The following MYO3B variants were observed in gnomAD, a reference collection of about 807,000 sequenced individuals.
MYO3B encodes the protein myosin IIIB.
In MYO3B, 156 loss-of-function variants were observed where a neutral mutation model predicts 174.6. That is an observed-to-expected ratio of 0.89 (90% confidence interval 0.78 to 1.02). The LOEUF (loss-of-function observed/expected upper bound fraction) is 1.02. Ranked by LOEUF, MYO3B falls within the 50% of genes least tolerant of loss-of-function variation. The probability of loss-of-function intolerance (pLI) is 0.00; values close to 1 mark genes in which losing one functional copy is unlikely to be tolerated. For missense variants in MYO3B, 1,632 were observed against 1,639.4 expected (o/e 1.00, Z 0.08); for synonymous variants, 563 against 569.1 (o/e 0.99, Z 0.15).
chr2:170,543,991 A>T lies in MYO3B; in HGVS notation c.3733+3A>T. 1 of 1,608,148 alleles carries T rather than the reference A, an allele frequency of 6.2e-7. No homozygotes were observed. The highest frequency in any genetic ancestry group is 1.1e-5 in the South Asian group (1 of 90,784). On this transcript the variant is annotated splice_donor_region_variant and intron_variant, in intron 32 of 34. Transcript: ENST00000408978. ...CTGGGGAGCCCCTCAAAAGCCTGGT[A>T]AGAAGAACGTTTTGAATTGCATGCG...
intron 22 of MYO3B, among the ~76,000 whole-genome samples, chr2:170,430,481 C>G (rs1370595790): frequency 6.6e-6 from 1 of 150,960 alleles, no homozygotes; most frequent in Non-Finnish European, 1.5e-5. Context: ...GAGGGATTCT[C>G]CTACCTCAGC....
chr2:170,438,412 G>T (rs900411142), intron 22 of MYO3B, among the ~76,000 whole-genome samples: 10 of 148,194 alleles, frequency 6.7e-5, no homozygotes, highest in Admixed American at 1.3e-4. Context: ...ATCTCTTGGA[G>T]ATCTTGTTTT....
chr2:170,574,792 A>T lies in MYO3B; in HGVS notation c.3733+30804A>T, dbSNP rs138948530. 4.4e-4 allele frequency among the ~76,000 whole-genome samples: 67 copies of T among 152,278 alleles called. 1 individual carries two copies. The East Asian group carries it at 6.4e-3, about 14-fold the overall frequency. The stretch of plus-strand genomic sequence containing the variant: ...GCTTTCACATCTTTTTTGATCCTCA[A>T]AGAAAATCTTTTAGTTCCTAGAACT... On this transcript the variant is annotated intron_variant, in intron 32 of 34. Coordinates refer to ENST00000408978, the MANE Select transcript of MYO3B (RefSeq NM_138995.5).
At chr2:170,282,754 A>T (rs1326528214) in intron 7 of MYO3B, among the ~76,000 whole-genome samples, 1 of 152,020 alleles carries the variant, frequency 6.6e-6, no homozygotes, top group South Asian at 2.1e-4. Flanking sequence ...AGCGTGCTAG[A>T]GTGGGTGCAG....
chr2:170,486,207 T>C (rs889037867), intron 25 of MYO3B, among the ~76,000 whole-genome samples: 1 of 152,130 alleles, frequency 6.6e-6, no homozygotes, highest in South Asian at 2.1e-4. Context: ...TTCCAACTTA[T>C]TATCCAAACA....
chr2:170,250,989 TG>T (rs949726559), intron 7 of MYO3B, among the ~76,000 whole-genome samples: 5 of 151,796 alleles, frequency 3.3e-5, no homozygotes, highest in African/African-American at 1.2e-4. Context: ...GGGGGTGTGA[TG>T]GGCCAAAAAG....
chr2:170,357,747 A>G (rs1433418228), intron 8 of MYO3B, among the ~76,000 whole-genome samples: 1 of 152,248 alleles, frequency 6.6e-6, no homozygotes, highest in Non-Finnish European at 1.5e-5. Flanking sequence ...TTCCTCAAGA[A>G]GACAAACATA....
intron 7 of MYO3B, among the ~76,000 whole-genome samples, chr2:170,279,577 G>C (rs1384416841): frequency 6.6e-6 from 1 of 152,138 alleles, no homozygotes; most frequent in East Asian, 1.9e-4. Flanking sequence ...ATTAAGCCCA[G>C]TACCCAATAG....
At chr2:170,207,857 A>T (rs937456495) in intron 3 of MYO3B, among the ~76,000 whole-genome samples, 3 of 152,016 alleles carry the variant, frequency 2.0e-5, no homozygotes, top group African/African-American at 7.2e-5. Flanking sequence ...AAAGTGAGTC[A>T]TTCCTCTTTC....
rs117694835 is a variant in MYO3B at position 170,288,712 on chromosome 2, C to T, written c.750-46673C>T. 4.6e-3 allele frequency among the ~76,000 whole-genome samples: 694 copies of T among 151,730 alleles called. 8 individuals are homozygous for T. Among genetic ancestry groups the T allele is most frequent in the East Asian group, 0.038 (195 of 5,180 alleles). On this transcript the variant is annotated intron_variant, in intron 7 of 34. Coordinates refer to ENST00000408978, the MANE Select transcript of MYO3B (RefSeq NM_138995.5). ...TTTCTGCTTTAGATGCCCTTTTTTTCGTTCTTTCCTAATTGCTCTGGCAGG... is the reference window on the plus strand; with the variant it reads ...TTTCTGCTTTAGATGCCCTTTTTTTTGTTCTTTCCTAATTGCTCTGGCAGG...
At chr2:170,212,861 T>C (rs2092787169) in intron 3 of MYO3B, among the ~76,000 whole-genome samples, 1 of 152,224 alleles carries the variant, frequency 6.6e-6, no homozygotes, top group South Asian at 2.1e-4. Context: ...TTGCCTAATC[T>C]GCACAAAGCA....
intron 30 of MYO3B, among the ~76,000 whole-genome samples, chr2:170,534,110 T>A (rs1689532447): frequency 1.3e-5 from 2 of 152,222 alleles, no homozygotes; most frequent in Admixed American, 6.5e-5. Flanking sequence ...TTCACAGATG[T>A]TGTGTTTTTT....
chr2:170,613,595 G>C (rs1187325516), intron 32 of MYO3B, among the ~76,000 whole-genome samples: 1 of 152,208 alleles, frequency 6.6e-6, no homozygotes, highest in South Asian at 2.1e-4. Context: ...AACTTGACTG[G>C]ATTGAAGGAT....
At chr2:170,410,132 T>C (rs1242738568) in intron 22 of MYO3B, among the ~76,000 whole-genome samples, 3 of 152,232 alleles carry the variant, frequency 2.0e-5, no homozygotes, top group Admixed American at 6.5e-5. Flanking sequence ...TAAGAAACCA[T>C]TTTCTTGTCA....
chr2:170,223,361 A>G (rs1161884338), intron 6 of MYO3B, among the ~76,000 whole-genome samples: 1 of 152,194 alleles, frequency 6.6e-6, no homozygotes, highest in Admixed American at 6.5e-5. Context: ...AGTAATATGA[A>G]TAATAGTATC....
chr2:170,555,871 C>G (rs1213577535), intron 32 of MYO3B, among the ~76,000 whole-genome samples: 1 of 82,182 alleles, frequency 1.2e-5, no homozygotes, highest in African/African-American at 3.8e-5. Context: ...GATCCTATCT[C>G]TAAAATAATA....
Position 170,364,142 on chromosome 2 carries a change from G to A in MYO3B, c.816-5080G>A, listed in dbSNP as rs75741314. ...GTGTCCCCTCAGTCCACTGAGTTGAGGACTCTGGTGTCCATTCTAAAATCA... is the reference window on the plus strand; with the variant it reads ...GTGTCCCCTCAGTCCACTGAGTTGAAGACTCTGGTGTCCATTCTAAAATCA... On this transcript the variant is annotated intron_variant, in intron 8 of 34. Transcript: ENST00000408978. Among the ~76,000 whole-genome samples, 1,311 of 152,196 alleles carry A rather than the reference G, an allele frequency of 8.6e-3. 16 individuals carry two copies. The highest frequency in any genetic ancestry group is 0.031 in the African/African-American group (1,270 of 41,542).
At chr2:170,283,511 T>G (rs1396961966) in intron 7 of MYO3B, among the ~76,000 whole-genome samples, 1 of 152,184 alleles carries the variant, frequency 6.6e-6, no homozygotes, top group South Asian at 2.1e-4. Flanking sequence ...TCCCCTATAG[T>G]GTTTAAATTT....
At chr2:170,630,927 A>AGAT (rs1696909938) in intron 32 of MYO3B, among the ~76,000 whole-genome samples, 1 of 152,260 alleles carries the variant, frequency 6.6e-6, no homozygotes, top group African/African-American at 2.4e-5. Flanking sequence ...GACCAAAGGT[A>AGAT]GATAAAACCA....
Sources: allele counts gnomAD v4.1 joint callset (sites outside exome capture counted in the v4.1 genomes callset), GRCh38; gene constraint gnomAD v4.1.1; transcripts MANE v1.5; gene names NCBI Gene and HGNC (gene_info 2026-07-23, HGNC 2026-07-21).